Variants in AK9 observed in about 807,000 individuals in gnomAD.
AK9 encodes adenylate kinase 9.
Under a neutral mutation model 239.6 loss-of-function variants are expected in AK9, and 191 were observed. The observed-to-expected ratio is 0.80, with a 90% CI of 0.71 to 0.90. The LOEUF (loss-of-function observed/expected upper bound fraction) is 0.90. AK9 is among the 40% of genes least tolerant of loss of function. The pLI, the probability that AK9 is intolerant of heterozygous loss-of-function variation, is 0.00. For missense variants in AK9, 1,995 were observed against 2,214.7 expected, an observed-to-expected ratio of 0.90 and a Z score of 1.99; for synonymous variants, 689 against 721.0, an observed-to-expected ratio of 0.96 and a Z score of 0.71.
At chr6:109,560,049 G>A (rs1426745022) in intron 24 of AK9, among the ~76,000 whole-genome samples, 2 of 152,230 alleles carry the variant, frequency 1.3e-5, no homozygotes, top group African/African-American at 4.8e-5. Context: ...ATTGGTCCAC[G>A]TGGATAATCC....
At chr6:109,583,977 G>A (rs933834296) in intron 19 of AK9, among the ~76,000 whole-genome samples, 1 of 152,108 alleles carries the variant, frequency 6.6e-6, no homozygotes, top group African/African-American at 2.4e-5. Flanking sequence ...GAGTATAGCT[G>A]ATTGGAGCTA....
At chr6:109,647,640 G>A (rs1798264306) in intron 8 of AK9, among the ~76,000 whole-genome samples, 1 of 152,014 alleles carries the variant, frequency 6.6e-6, no homozygotes, top group Non-Finnish European at 1.5e-5. Flanking sequence ...AATAATAATG[G>A]GAGACTTTAA....
At chr6:109,545,833 AAAAC>A in intron 26 of AK9, 30 bp downstream of exon 26, 1 of 1,569,306 alleles carries the variant, frequency 6.4e-7, no homozygotes, top group Non-Finnish European at 8.6e-7. Context: ...CAGCAAAAAC[AAAAC>A]AAACAAAAAA....
rs745845806 is a variant in AK9, at chr6:109,493,382, G to T, written c.5723C>A (p.Pro1908Gln). ...KTFLSLRNID[P>Q]ING ...CACCTAAGTAAACTACCCATTAATTGGGTCTATATTTCTGAGAGAGAGAAA... is the reference window on the plus strand; with the variant it reads ...CACCTAAGTAAACTACCCATTAATTTGGTCTATATTTCTGAGAGAGAGAAA... The change falls in exon 41 of 41, where the codon CCA becomes CAA. Residue 1908 changes from proline to glutamine, a missense_variant. Around this residue, in one of 5 missense-constraint regions of AK9, gnomAD observed 391 missense variants for 456.0 expected, o/e 0.86. Transcript: ENST00000424296. 37 of 1,613,318 alleles carry T rather than the reference G, an allele frequency of 2.3e-5. No individual in the cohort carries two copies. Among genetic ancestry groups the T allele is most frequent in the Non-Finnish European group, 2.7e-5 (32 of 1,179,592 alleles).
intron 12 of AK9, 151 bp downstream of exon 12, chr6:109,632,772 C>T: frequency 7.4e-7 from 1 of 1,359,278 alleles, no homozygotes; most frequent in Non-Finnish European, 9.5e-7. Flanking sequence ...CCCAGTGGAA[C>T]AATTATTCAA....
intron 27 of AK9, among the ~76,000 whole-genome samples, chr6:109,541,184 C>G (rs945598105): frequency 6.6e-6 from 1 of 151,958 alleles, no homozygotes; most frequent in African/African-American, 2.4e-5. Context: ...GTTATTTTCC[C>G]CTTGATTATA....
chr6:109,633,658 C>T (rs1288031215), intron 10 of AK9, among the ~76,000 whole-genome samples: 1 of 152,034 alleles, frequency 6.6e-6, no homozygotes, highest in African/African-American at 2.4e-5. Context: ...TATCATCTTC[C>T]TTAGAAAACA....
chr6:109,689,844 G>C (rs991382598), intron 1 of AK9, among the ~76,000 whole-genome samples: 5 of 152,158 alleles, frequency 3.3e-5, no homozygotes, highest in African/African-American at 1.2e-4. Flanking sequence ...TAAAAACACT[G>C]TGCAAACATT....
At chr6:109,516,771 T>A (rs1779315817) in intron 29 of AK9, 129 bp from the exon 30 acceptor site, 1 of 771,170 alleles carries the variant, frequency 1.3e-6, no homozygotes, top group East Asian at 2.7e-5. Flanking sequence ...ATTCATCTAG[T>A]AACGCAATAA....
At chr6:109,549,664 C>CTATTTTTTT (rs1784066624) in intron 25 of AK9, 1 of 122,098 alleles carries the variant, frequency 8.2e-6, no homozygotes, top group Non-Finnish European at 1.7e-5. Context: ...TAGATATTTT[C>CTATTTTTTT]TTTTTTTTTT....
At chr6:109,554,006 T>C (rs1784664646) in intron 24 of AK9, among the ~76,000 whole-genome samples, 1 of 152,204 alleles carries the variant, frequency 6.6e-6, no homozygotes, top group African/African-American at 2.4e-5. Context: ...ATTATGTTTA[T>C]TGACCTGTGT....
chr6:109,591,926 G>A (rs956144875), intron 17 of AK9, among the ~76,000 whole-genome samples: 4 of 151,854 alleles, frequency 2.6e-5, no homozygotes, highest in Admixed American at 2.0e-4. Flanking sequence ...CTCTGAGGCT[G>A]AAGCAAATCT....
At chr6:109,494,313 G>C (rs1197511617) in intron 39 of AK9, among the ~76,000 whole-genome samples, 1 of 152,240 alleles carries the variant, frequency 6.6e-6, no homozygotes, top group African/African-American at 2.4e-5. Flanking sequence ...CTGACTTAGT[G>C]TCAGCTAAGT....
chr6:109,669,243 C>G (rs1233174479), intron 5 of AK9, among the ~76,000 whole-genome samples: 1 of 152,020 alleles, frequency 6.6e-6, no homozygotes, highest in African/African-American at 2.4e-5. Context: ...GATTTTGTAT[C>G]CTGAGACTTT....
chr6:109,673,526 A>T (rs1423175867), intron 3 of AK9, among the ~76,000 whole-genome samples: 2 of 152,004 alleles, frequency 1.3e-5, no homozygotes. Context: ...TAATTAAAAG[A>T]ATATTTATAT....
chr6:109,574,633 C>T (rs1787832443), intron 20 of AK9, among the ~76,000 whole-genome samples: 1 of 152,044 alleles, frequency 6.6e-6, no homozygotes, highest in Non-Finnish European at 1.5e-5. Flanking sequence ...CAATTAAGTT[C>T]ACACACCCCT....
chr6:109,545,830 A>G, intron 26 of AK9, 37 bp downstream of exon 26: 1 of 1,566,232 alleles, frequency 6.4e-7, no homozygotes, highest in Non-Finnish European at 8.6e-7. Context: ...CAACAGCAAA[A>G]ACAAAACAAA....
Position 109,546,146 on chromosome 6 carries a change from CAGGGAGGGGTGGGATAA to C in AK9, c.2965-36_2965-20del. On this transcript the variant is annotated intron_variant, in intron 25 of 40. Coordinates refer to ENST00000424296, the MANE Select transcript of AK9 (RefSeq NM_001145128.3). ...GAGGAGCCTGTCACAGGGGGTGGGT[CAGGGAGGGGTGGGATAA>C]AGGGAGAGTGAAGGAAAAGCAGTTT... is the stretch of plus-strand genomic sequence containing the variant. 9.0e-7 allele frequency: 1 copy of C among 1,115,402 alleles called. No homozygotes were observed. The highest frequency in any genetic ancestry group is 1.2e-6 in the Non-Finnish European group (1 of 805,944). 69.1% of individuals were successfully genotyped at this position (1,115,402 alleles called of 1,614,324 possible). A position where few individuals can be genotyped will look rare whatever the true frequency, so the allele number is the denominator to read the frequency against.
At chr6:109,600,383 T>C (rs552281678) in intron 17 of AK9, among the ~76,000 whole-genome samples, 21 of 152,362 alleles carry the variant, frequency 1.4e-4, no homozygotes, top group African/African-American at 4.3e-4. Flanking sequence ...ATCATGCTTA[T>C]TGATTTGCGT....
Sources: allele counts gnomAD v4.1 joint callset (sites outside exome capture counted in the v4.1 genomes callset), GRCh38; gene constraint gnomAD v4.1.1; regional missense constraint gnomAD v4.1.1; transcripts MANE v1.5; gene names NCBI Gene and HGNC (gene_info 2026-07-23, HGNC 2026-07-21).